Variants in ZDHHC13 observed in about 807,000 individuals in gnomAD.
ZDHHC13 encodes the protein palmitoyltransferase ZDHHC13.
ZDHHC13 carries 85 observed loss-of-function variants against 86.0 expected under a neutral mutation model. That is an observed-to-expected ratio of 0.99 (90% confidence interval 0.83 to 1.18). The LOEUF (loss-of-function observed/expected upper bound fraction) is 1.18. Among genes scored for constraint, ZDHHC13 ranks in the 50% most tolerant of loss-of-function variants. The pLI, the probability that ZDHHC13 is intolerant of heterozygous loss-of-function variation, is 0.00. For synonymous variants in ZDHHC13, 263 were observed against 246.4 expected, an observed-to-expected ratio of 1.07 and a Z score of -0.63; for missense variants, 711 against 730.2, an observed-to-expected ratio of 0.97 and a Z score of 0.30.
intron 1 of ZDHHC13, among the ~76,000 whole-genome samples, chr11:19,137,588 C>T (rs1185378543): frequency 1.3e-5 from 2 of 152,042 alleles, no homozygotes; most frequent in African/African-American, 4.8e-5. Context: ...CTACAGAACT[C>T]TCCACCCCAA....
intron 10 of ZDHHC13, among the ~76,000 whole-genome samples, chr11:19,159,720 T>C (rs894022294): frequency 6.6e-6 from 1 of 152,028 alleles, no homozygotes; most frequent in Admixed American, 6.5e-5. Flanking sequence ...GTTTATTACT[T>C]AAGGATCAGG....
At chr11:19,133,942 T>TATATATATATAC in intron 1 of ZDHHC13, among the ~76,000 whole-genome samples, 3,694 of 96,054 alleles carry the variant, frequency 0.038, 139 homozygotes, top group Non-Finnish European at 0.051. Flanking sequence ...TATATATATA[T>TATATATATATAC]ACACGTATGT....
intron 15 of ZDHHC13, among the ~76,000 whole-genome samples, chr11:19,171,896 G>A (rs1456608581): frequency 2.0e-5 from 3 of 152,044 alleles, no homozygotes; most frequent in East Asian, 1.9e-4. Flanking sequence ...CTGGGTAGTC[G>A]TGGCTTTGAC....
intron 1 of ZDHHC13, among the ~76,000 whole-genome samples, chr11:19,120,246 G>C (rs1848734528): frequency 6.6e-6 from 1 of 152,170 alleles, no homozygotes; most frequent in Non-Finnish European, 1.5e-5. Context: ...ACTGCAGCAG[G>C]GTTGGTTTGT....
chr11:19,168,759 C>T (rs1452160825), intron 14 of ZDHHC13: 1 of 974,484 alleles, frequency 1.0e-6, no homozygotes, highest in Non-Finnish European at 1.2e-6. Context: ...GCTCTATACT[C>T]TCCTTCTCAT....
intron 1 of ZDHHC13, among the ~76,000 whole-genome samples, chr11:19,138,152 T>A (rs1000131588): frequency 2.0e-5 from 3 of 151,638 alleles, no homozygotes; most frequent in African/African-American, 7.3e-5. Flanking sequence ...TCAACAAAAT[T>A]GATAGACTGC....
chr11:19,121,999 C>T (rs1346704102), intron 1 of ZDHHC13, among the ~76,000 whole-genome samples: 1 of 152,230 alleles, frequency 6.6e-6, no homozygotes, highest in Admixed American at 6.5e-5. Context: ...GTCTTCTTCC[C>T]TATCTTTTGA....
chr11:19,143,190 T>C (rs1446773596), intron 2 of ZDHHC13, 67 bp downstream of exon 2: 1 of 1,479,266 alleles, frequency 6.8e-7, no homozygotes, highest in Non-Finnish European at 9.1e-7. Context: ...TATGTGTAGT[T>C]CATGGAGCTT....
chr11:19,151,449 A>T (rs1849605589), intron 6 of ZDHHC13, among the ~76,000 whole-genome samples: 1 of 152,032 alleles, frequency 6.6e-6, no homozygotes, highest in Non-Finnish European at 1.5e-5. Flanking sequence ...GAACTGTGTT[A>T]GTTCTAATGC....
intron 1 of ZDHHC13, among the ~76,000 whole-genome samples, chr11:19,139,655 C>T (rs544561499): frequency 1.7e-3 from 263 of 151,796 alleles, no homozygotes; most frequent in Non-Finnish European, 3.0e-3. Context: ...CACTGCCTGA[C>T]TTCAAACAAT....
intron 16 of ZDHHC13, among the ~76,000 whole-genome samples, chr11:19,175,382 TC>T (rs958643056): frequency 4.8e-5 from 1 of 20,706 alleles, no homozygotes; most frequent in African/African-American, 1.3e-4. Context: ...AGAGCGAGAC[TC>T]CGTCTCAAAA....
intron 1 of ZDHHC13, among the ~76,000 whole-genome samples, chr11:19,138,182 A>G (rs1849201383): frequency 6.6e-6 from 1 of 151,160 alleles, no homozygotes; most frequent in African/African-American, 2.4e-5. Flanking sequence ...TAATAAAGAA[A>G]AAAAGAGAGA....
intron 14 of ZDHHC13, chr11:19,169,116 T>C (rs559135633): frequency 2.0e-6 from 2 of 985,466 alleles, no homozygotes; most frequent in African/African-American, 1.7e-5. Context: ...AAAACTTCAG[T>C]GTGAGATCAT....
In ZDHHC13 at chr11:19,166,526, T is replaced by C; in HGVS notation, c.1474+141T>C. 4 of 571,362 alleles carry C rather than the reference T, an allele frequency of 7.0e-6. No homozygotes were observed. In the South Asian group the frequency reaches 1.1e-4, roughly 15 times the overall value. 35.4% of individuals were successfully genotyped at this position (571,362 alleles called of 1,614,324 possible). A position where few individuals can be genotyped will look rare whatever the true frequency, so the allele number is the denominator to read the frequency against. On this transcript the variant is annotated intron_variant, in intron 14 of 16. Coordinates refer to ENST00000446113, the MANE Select transcript of ZDHHC13 (RefSeq NM_019028.3). Reference sequence around the variant, plus strand: ...AAAACAAAGCAAATGCCTCTAAGACTCCCTCAGCATTGGGAAGCTGCAAGA... The same window carrying C: ...AAAACAAAGCAAATGCCTCTAAGACCCCCTCAGCATTGGGAAGCTGCAAGA...
In ZDHHC13 at chr11:19,131,788, C is replaced by T. The variant is rs140966357; in HGVS notation, c.28-11190C>T. Reference sequence around the variant, plus strand: ...AGCTGAGATTACAGGCATGGGCCACCATGCCCAGCTAATTTTTGTATTTTT... The same window carrying T: ...AGCTGAGATTACAGGCATGGGCCACTATGCCCAGCTAATTTTTGTATTTTT... On this transcript the variant is annotated intron_variant, in intron 1 of 16. Coordinates refer to ENST00000446113, the MANE Select transcript of ZDHHC13 (RefSeq NM_019028.3). Among the ~76,000 whole-genome samples the T allele has an allele frequency of 5.6e-3, 852 of 152,232 alleles. 3 individuals are homozygous for T. Among genetic ancestry groups the T allele is most frequent in the Non-Finnish European group, 9.3e-3 (634 of 68,020 alleles).
chr11:19,169,770 T>A, intron 14 of ZDHHC13: 1 of 985,446 alleles, frequency 1.0e-6, no homozygotes, highest in South Asian at 4.7e-5. Context: ...GTAAAGTTCT[T>A]TAATTGGCAC....
intron 8 of ZDHHC13, 98 bp from the exon 9 acceptor site, chr11:19,155,698 G>A: frequency 7.9e-7 from 1 of 1,261,578 alleles, no homozygotes; most frequent in Non-Finnish European, 1.1e-6. Flanking sequence ...TGTATTAATT[G>A]TTATTATATA....
At position 19,141,921 on chromosome 11, in the gene ZDHHC13, C is replaced by T. The variant is rs75944058; in HGVS notation, c.28-1057C>T. ...TTTTTACCCTCCCAAATTATGCAGT[C>T]ACTTCTGTATTAGTTACCCATTACT... On this transcript the variant is annotated intron_variant, in intron 1 of 16. Coordinates refer to ENST00000446113, the MANE Select transcript of ZDHHC13 (RefSeq NM_019028.3). 6.8e-3 allele frequency among the ~76,000 whole-genome samples: 1,043 copies of T among 152,266 alleles called. 9 individuals are homozygous for T. Among genetic ancestry groups the T allele is most frequent in the African/African-American group, 0.024 (984 of 41,558 alleles).
intron 6 of ZDHHC13, among the ~76,000 whole-genome samples, chr11:19,151,418 G>C (rs908753750): frequency 6.6e-6 from 1 of 151,908 alleles, no homozygotes; most frequent in Admixed American, 6.6e-5. Context: ...CTCTGATTTT[G>C]CTTGTACTTA....
Sources: gnomAD v4.1 joint callset for allele counts (sites outside exome capture counted in the v4.1 genomes callset) on GRCh38, gnomAD v4.1.1 for gene constraint, MANE v1.5 for transcripts, NCBI Gene and HGNC (gene_info 2026-07-23, HGNC 2026-07-21) for gene names.